The following PRKDC variants were observed in gnomAD, a reference collection of about 807,000 sequenced individuals.
PRKDC encodes DNA-dependent protein kinase catalytic subunit.
In PRKDC, 82 loss-of-function variants were observed where a neutral mutation model predicts 486.9. The ratio of observed to expected loss-of-function variants is 0.17; its 90% CI spans 0.14 to 0.20. PRKDC has a LOEUF of 0.20. PRKDC is among the 10% of genes least tolerant of loss of function. The pLI is 1.00. For synonymous variants in PRKDC, 1,895 were observed against 1,837.0 expected (o/e 1.03, Z -0.81); for missense variants, 4,504 against 5,038.2 (o/e 0.89, Z 3.21).
intron 12 of PRKDC, 112 bp from the exon 13 acceptor site, chr8:47,936,012 A>G: frequency 9.1e-7 from 1 of 1,103,820 alleles, no homozygotes; most frequent in Non-Finnish European, 1.2e-6. Flanking sequence ...TAAAAGAAAA[A>G]CATGGTTTGT....
chr8:47,813,503 G>A (rs1451406546), intron 68 of PRKDC, among the ~76,000 whole-genome samples: 1 of 152,116 alleles, frequency 6.6e-6, no homozygotes, highest in Non-Finnish European at 1.5e-5. Flanking sequence ...GAAAACCCAT[G>A]CCCAAATAGG....
At chr8:47,938,450 GAAA>G (rs1411847879) in intron 11 of PRKDC, among the ~76,000 whole-genome samples, 1 of 149,858 alleles carries the variant, frequency 6.7e-6, no homozygotes, top group African/African-American at 2.5e-5. Context: ...AAAGAAAGAA[GAAA>G]AAAAGGGAGA....
At chr8:47,879,708 T>A in intron 38 of PRKDC, 50 bp from the exon 39 acceptor site, 1 of 1,391,160 alleles carries the variant, frequency 7.2e-7, no homozygotes, top group African/African-American at 1.5e-5. Flanking sequence ...GGCTTATATA[T>A]CCTACAGAAT....
chr8:47,835,477 C>T (rs949939291), intron 58 of PRKDC, among the ~76,000 whole-genome samples: 2 of 151,512 alleles, frequency 1.3e-5, no homozygotes, highest in African/African-American at 2.4e-5. Flanking sequence ...TTTAGCCAGG[C>T]GAGGTGGTGC....
At chr8:47,907,527 A>C (rs917698268) in intron 25 of PRKDC, among the ~76,000 whole-genome samples, 1 of 147,684 alleles carries the variant, frequency 6.8e-6, no homozygotes, top group African/African-American at 2.5e-5. Context: ...TATTTTATTT[A>C]TATACCTTTT....
chr8:47,888,678 G>A, intron 33 of PRKDC, 28 bp from the exon 34 acceptor site: 2 of 1,550,334 alleles, frequency 1.3e-6, no homozygotes, highest in South Asian at 2.5e-5. Flanking sequence ...CAGTAAATTA[G>A]GTGAGCTCTG....
chr8:47,886,327 G>A (rs1256384561), intron 35 of PRKDC, among the ~76,000 whole-genome samples, 180 bp from the exon 36 acceptor site: 1 of 152,176 alleles, frequency 6.6e-6, no homozygotes, highest in African/African-American at 2.4e-5. Context: ...CATTTTCTAG[G>A]TTTCATTTTG....
intron 63 of PRKDC, among the ~76,000 whole-genome samples, chr8:47,824,871 C>T (rs1428088612): frequency 6.6e-6 from 1 of 152,196 alleles, no homozygotes; most frequent in Non-Finnish European, 1.5e-5. Context: ...ACCAGCCAGC[C>T]AAGGACTGCT....
intron 1 of PRKDC, chr8:47,959,324 G>A (rs2090770138): frequency 6.6e-6 from 1 of 152,164 alleles, no homozygotes; most frequent in African/African-American, 2.4e-5. Flanking sequence ...AAGTAGGAAC[G>A]GCAAATAGAG....
chr8:47,945,261 C>CA (rs1185560364), intron 7 of PRKDC, among the ~76,000 whole-genome samples: 1 of 152,148 alleles, frequency 6.6e-6, no homozygotes, highest in Non-Finnish European at 1.5e-5. Flanking sequence ...TGTGGTAAAA[C>CA]AGACATATTT....
At chr8:47,896,905 A>T (rs1169589384) in intron 30 of PRKDC, among the ~76,000 whole-genome samples, 1 of 152,248 alleles carries the variant, frequency 6.6e-6, no homozygotes, top group Non-Finnish European at 1.5e-5. Flanking sequence ...TTAATGGTTT[A>T]GTAATTACTG....
In PRKDC at chr8:47,902,419, T is replaced by C. The variant is rs536190965; in HGVS notation, c.3269+150A>G. On this transcript the variant is annotated intron_variant, in intron 27 of 85. Transcript: ENST00000314191. Reference sequence around the variant, plus strand: ...TTCTGGAGTGCAAACTGAATTTTAATTCACTTTTTAATTTCCAGAAGACAG... The same window carrying C: ...TTCTGGAGTGCAAACTGAATTTTAACTCACTTTTTAATTTCCAGAAGACAG... 11 of 553,738 alleles carry C rather than the reference T, an allele frequency of 2.0e-5. No individual in the cohort carries two copies. The South Asian group carries it at 6.1e-4, about 31-fold the overall frequency. 34.3% of individuals were successfully genotyped at this position (553,738 alleles called of 1,614,324 possible).
In PRKDC at chr8:47,782,476, C is replaced by T. The variant is rs781279955; in HGVS notation, c.11298G>A (p.Gln3766=). Residue 3766 remains glutamine (Q), a synonymous_variant, in exon 79 of 86, where the codon CAG becomes CAA. Coordinates refer to ENST00000314191, the MANE Select transcript of PRKDC (RefSeq NM_006904.7). This position sits in a 1 kb window ranked among gnomAD's most constrained non-coding sequence, Gnocchi z 4.9. ...GGATCCCATTCATGACCTGGAAGAG[C>T]TGCTCCACGCGCTGGTCCTGCCGCA... ...EDLRQDQRVE[Q]LFQVMNGILA... 4 of 1,585,234 alleles carry T rather than the reference C, an allele frequency of 2.5e-6. No individual in the cohort carries two copies. Among genetic ancestry groups the T allele is most frequent in the South Asian group, 1.1e-5 (1 of 87,236 alleles).
At position 47,954,212 on chromosome 8, in the gene PRKDC, T is replaced by C. The variant is rs1481630893; in HGVS notation, c.508+126A>G. The C allele has an allele frequency of 6.0e-6, 3 of 498,426 alleles. No individual in the cohort carries two copies. The East Asian group carries it at 9.9e-5, about 16-fold the overall frequency. 30.9% of individuals were successfully genotyped at this position (498,426 alleles called of 1,614,324 possible). A position where few individuals can be genotyped will look rare whatever the true frequency, so the allele number is the denominator to read the frequency against. Reference sequence around the variant, plus strand: ...GTTTTTGTTTGGTTCCATTTTGGTTTATTTTCAGCAAAAAGTATTCGACTG... The same window carrying C: ...GTTTTTGTTTGGTTCCATTTTGGTTCATTTTCAGCAAAAAGTATTCGACTG... On this transcript the variant is annotated intron_variant, in intron 5 of 85. Transcript: ENST00000314191.
At chr8:47,859,107 A>C (rs2088615138) in intron 46 of PRKDC, 121 bp from the exon 47 acceptor site, 2 of 1,060,462 alleles carry the variant, frequency 1.9e-6, no homozygotes, top group Non-Finnish European at 1.4e-6. Flanking sequence ...TAATAATGAT[A>C]ATCTGGTAAT....
intron 27 of PRKDC, among the ~76,000 whole-genome samples, chr8:47,901,318 A>G (rs2089679477): frequency 6.6e-6 from 1 of 152,028 alleles, no homozygotes; most frequent in African/African-American, 2.4e-5. Flanking sequence ...TACTAAAAAC[A>G]CAAAAATTAG....
intron 21 of PRKDC, among the ~76,000 whole-genome samples, chr8:47,925,980 C>T (rs1304207480): frequency 6.6e-6 from 1 of 152,158 alleles, no homozygotes; most frequent in Admixed American, 6.6e-5. Flanking sequence ...TGCTTACTTT[C>T]TGCTTTTCTC....
Position 47,943,980 on chromosome 8 carries a change from A to C in PRKDC, c.771T>G (p.Arg257=), listed in dbSNP as rs1227308997. The C allele has an allele frequency of 1.3e-6, 2 of 1,564,158 alleles. No homozygotes were observed. Among genetic ancestry groups the C allele is most frequent in the Non-Finnish European group, 1.7e-6 (2 of 1,152,734 alleles). Reference sequence around the variant, plus strand: ...ATAGTAATATTAATCCTACCTGAGGACGAATTGCCTTTAGTACAAAATTAA... The same window carrying C: ...ATAGTAATATTAATCCTACCTGAGGCCGAATTGCCTTTAGTACAAAATTAA... ...EIFNFVLKAI[R]PQIDLKRYAV... is the part of the protein sequence containing the mutation. The change falls in exon 8 of 86, where the codon CGT becomes CGG. Residue 257 remains arginine, a synonymous_variant. Transcript: ENST00000314191.
At chr8:47,827,256 A>C (rs995212403) in intron 62 of PRKDC, among the ~76,000 whole-genome samples, 46 of 152,218 alleles carry the variant, frequency 3.0e-4, no homozygotes, top group African/African-American at 1.1e-3. Flanking sequence ...AAAACAAAAA[A>C]CTAAGTATTT....
Sources: gnomAD v4.1 joint callset for allele counts (sites outside exome capture counted in the v4.1 genomes callset) on GRCh38, gnomAD v4.1.1 for gene constraint, Gnocchi (gnomAD v3.1) non-coding constraint, MANE v1.5 for transcripts, NCBI Gene and HGNC (gene_info 2026-07-23, HGNC 2026-07-21) for gene names.